The following NCALD variants were observed in gnomAD, a reference collection of about 807,000 sequenced individuals.
The protein encoded by NCALD is neurocalcin-delta.
In NCALD, 10 loss-of-function variants were observed where a neutral mutation model predicts 18.6. The ratio of observed to expected loss-of-function variants is 0.54; its 90% CI spans 0.33 to 0.91. The LOEUF is 0.91. Ranked by LOEUF, NCALD falls within the 40% of genes least tolerant of loss-of-function variation. The probability of loss-of-function intolerance (pLI) is 0.03; values close to 1 mark genes in which losing one functional copy is unlikely to be tolerated. For missense variants in NCALD, 184 were observed against 247.6 expected, an observed-to-expected ratio of 0.74 and a Z score of 1.72; for synonymous variants, 88 against 87.4, an observed-to-expected ratio of 1.01 and a Z score of -0.04.
intron 2 of NCALD, among the ~76,000 whole-genome samples, chr8:101,982,778 C>T (rs932581922): frequency 2.7e-5 from 4 of 150,850 alleles, no homozygotes; most frequent in Non-Finnish European, 5.9e-5. Flanking sequence ...GAGGCAGAGG[C>T]TGTAGTGAGC....
intron 4 of NCALD, among the ~76,000 whole-genome samples, chr8:101,839,950 C>A (rs1172205494): frequency 1.3e-5 from 2 of 151,986 alleles, no homozygotes; most frequent in African/African-American, 4.8e-5. Context: ...AACTGAGAAC[C>A]AATTGTGTCA....
chr8:101,725,207 A>G (rs1816520241), intron 1 of NCALD, among the ~76,000 whole-genome samples: 1 of 152,222 alleles, frequency 6.6e-6, no homozygotes, highest in Non-Finnish European at 1.5e-5. Context: ...ACTGCTGCCC[A>G]TCCTGTGCCT....
Position 102,114,565 on chromosome 8 carries a change from C to T in NCALD, c.-210+9672G>A, listed in dbSNP as rs186919845. On this transcript the variant is annotated intron_variant, in intron 1 of 6. Transcript: ENST00000311028. ...TGAGGGGAGGAAGTGGCTGAAGGAA[C>T]CCAAAGAGGGTGGCGATATGGAGAG... is the stretch of plus-strand genomic sequence containing the variant. 2.8e-3 allele frequency among the ~76,000 whole-genome samples: 423 copies of T among 152,292 alleles called. 1 individual carries two copies. Among genetic ancestry groups the T allele is most frequent in the African/African-American group, 9.6e-3 (398 of 41,552 alleles).
intron 1 of NCALD, among the ~76,000 whole-genome samples, chr8:102,122,423 A>T (rs1825970468): frequency 1.3e-5 from 2 of 152,184 alleles, no homozygotes; most frequent in Admixed American, 1.3e-4. Flanking sequence ...CACAGTTTGG[A>T]GAATGGACTG....
At chr8:102,124,246 C>G (rs936861689) in exon 1 of NCALD, 1 of 151,880 alleles carries the variant, frequency 6.6e-6, no homozygotes, top group Admixed American at 6.5e-5. Context: ...CCGCCTCGGC[C>G]GCTCCCAGCG....
chr8:102,062,794 A>G (rs1382735050), intron 1 of NCALD, among the ~76,000 whole-genome samples: 3 of 152,176 alleles, frequency 2.0e-5, no homozygotes, highest in Middle Eastern at 3.2e-3. Flanking sequence ...AAGCCAATCC[A>G]CAAGCTCTTA....
At chr8:101,992,192 T>C (rs1016535114) in intron 2 of NCALD, among the ~76,000 whole-genome samples, 1 of 152,212 alleles carries the variant, frequency 6.6e-6, no homozygotes, top group Non-Finnish European at 1.5e-5. Flanking sequence ...GTGCTGGTAC[T>C]ACTCAAATGT....
intron 3 of NCALD, among the ~76,000 whole-genome samples, chr8:101,906,109 T>C (rs1169638598): frequency 1.3e-5 from 2 of 152,202 alleles, no homozygotes; most frequent in African/African-American, 4.8e-5. Context: ...AATATGTCTA[T>C]GATGTCAAAT....
chr8:101,889,139 A>C lies in NCALD; in HGVS notation c.-106-1912T>G, dbSNP rs117952277. On this transcript the variant is annotated intron_variant, in intron 3 of 6. Transcript: ENST00000311028. ...GCCCTTCTTCTTCATCATGCCTGCA[A>C]CTCTGATGCAAAGCTGGAGGAAGAT... 7.7e-3 allele frequency among the ~76,000 whole-genome samples: 1,173 copies of C among 152,278 alleles called. 12 individuals carry two copies. The highest frequency in any genetic ancestry group is 0.037 in the Middle Eastern group (11 of 294).
intron 1 of NCALD, among the ~76,000 whole-genome samples, chr8:102,074,430 T>C (rs1587022902): frequency 6.6e-6 from 1 of 152,212 alleles, no homozygotes. Context: ...CATTCTATTC[T>C]ATAAAGTTCT....
At chr8:101,924,527 T>A (rs1394911241) in intron 2 of NCALD, among the ~76,000 whole-genome samples, 3 of 152,288 alleles carry the variant, frequency 2.0e-5, no homozygotes, top group East Asian at 3.9e-4. Flanking sequence ...CTGGAAAAAA[T>A]CTACCATGTT....
rs910003989 is a variant in NCALD, at chr8:101,753,511, T to C, written c.-19-33863A>G. On this transcript the variant is annotated intron_variant, in intron 1 of 3. Transcript: ENST00000220931. ...TACAATGTCATGTTTTTAGGGAAGA[T>C]GAAAAGATCCCCAGTCCCCAGAGAA... 1.2e-4 allele frequency among the ~76,000 whole-genome samples: 19 copies of C among 152,254 alleles called. No homozygotes were observed. In the South Asian group the frequency reaches 3.9e-3, roughly 32 times the overall value.
chr8:101,908,429 C>G (rs1441961886), intron 3 of NCALD, among the ~76,000 whole-genome samples: 4 of 152,260 alleles, frequency 2.6e-5, no homozygotes, highest in African/African-American at 9.6e-5. Flanking sequence ...TTTTTCTCCT[C>G]TGACCCCACA....
intron 1 of NCALD, among the ~76,000 whole-genome samples, chr8:101,730,803 A>G (rs16868262): frequency 0.26 from 39,937 of 152,128 alleles, 5,833 homozygotes; most frequent in East Asian, 0.48. Flanking sequence ...AATTTATTGC[A>G]AAGAGGTTCT....
At chr8:101,879,206 C>A (rs1379395412) in intron 4 of NCALD, among the ~76,000 whole-genome samples, 1 of 152,164 alleles carries the variant, frequency 6.6e-6, no homozygotes, top group Admixed American at 6.5e-5. Context: ...TTCTTGGTCT[C>A]ACTGACTTCA....
chr8:102,001,331 G>C (rs1317532042), intron 2 of NCALD, among the ~76,000 whole-genome samples: 1 of 152,152 alleles, frequency 6.6e-6, no homozygotes, highest in Non-Finnish European at 1.5e-5. Context: ...AGAGAAAAAA[G>C]AATAAAAAGA....
rs745442191 is a variant in NCALD, at chr8:101,704,094, C to T, written c.379-11198G>A. Among the ~76,000 whole-genome samples, 33 of 152,278 alleles carry T rather than the reference C, an allele frequency of 2.2e-4. 1 individual carries two copies. Among genetic ancestry groups the T allele is most frequent in the Middle Eastern group, 3.4e-3 (1 of 294 alleles). On this transcript the variant is annotated intron_variant, in intron 2 of 3. Transcript: ENST00000220931. ...ATCAGTCCTAGCTGAGTGCTGCTCTCGTGTCAGCTAATGAATCTGAAAAGC... is the reference window on the plus strand; with the variant it reads ...ATCAGTCCTAGCTGAGTGCTGCTCTTGTGTCAGCTAATGAATCTGAAAAGC...
At chr8:102,107,207 T>C (rs1587097229) in intron 1 of NCALD, among the ~76,000 whole-genome samples, 1 of 56,988 alleles carries the variant, frequency 1.8e-5, no homozygotes, top group Admixed American at 1.3e-4. Flanking sequence ...TATATATATA[T>C]ATATATATAT....
chr8:102,122,142 C>T (rs950512184), intron 1 of NCALD, among the ~76,000 whole-genome samples: 4 of 152,196 alleles, frequency 2.6e-5, no homozygotes, highest in African/African-American at 9.7e-5. Flanking sequence ...GCCATGCAGC[C>T]TGCTGGAAGG....
Sources: allele counts gnomAD v4.1 joint callset (sites outside exome capture counted in the v4.1 genomes callset), GRCh38; gene constraint gnomAD v4.1.1; transcripts MANE v1.5; gene names NCBI Gene and HGNC (gene_info 2026-07-23, HGNC 2026-07-21).